Variants in HADHA observed in about 807,000 individuals in gnomAD.
HADHA encodes the protein hydroxyacyl-CoA dehydrogenase trifunctional multienzyme complex subunit alpha.
HADHA carries 59 observed loss-of-function variants against 91.3 expected under a neutral mutation model. That is an observed-to-expected ratio of 0.65 (90% confidence interval 0.52 to 0.80). The LOEUF (loss-of-function observed/expected upper bound fraction) is 0.80, where lower values mean the gene tolerates loss of function less well. Ranked by LOEUF, HADHA falls within the 30% of genes least tolerant of loss-of-function variation. The pLI is 0.00. For synonymous variants in HADHA, 320 were observed against 338.9 expected, an observed-to-expected ratio of 0.94 and a Z score of 0.61; for missense variants, 800 against 927.6, an observed-to-expected ratio of 0.86 and a Z score of 1.79.
In HADHA at chr2:26,239,069, T is replaced by G. The variant is rs756376689; in HGVS notation, c.109+33A>C. On this transcript the variant is annotated intron_variant, in intron 2 of 19. Transcript: ENST00000380649. ...TGCAACATAAATCCAAAAAGCAATG[T>G]AAGCATACACATTAAAAAGAAATTA... 34 of 1,581,550 alleles carry G rather than the reference T, an allele frequency of 2.1e-5. No homozygotes were observed. In the East Asian group the frequency reaches 2.2e-4, roughly 10 times the overall value.
chr2:26,193,566 A>G lies in HADHA; in HGVS notation c.1885+11T>C. The G allele has an allele frequency of 1.2e-6, 2 of 1,602,366 alleles. No individual in the cohort carries two copies. The highest frequency in any genetic ancestry group is 1.7e-6 in the Non-Finnish European group (2 of 1,169,410). ...TAATGGTGCTAGTTATGTTTCCTTGAGGCTACTCACCTAGGAAGCCCTTGG... is the reference window on the plus strand; with the variant it reads ...TAATGGTGCTAGTTATGTTTCCTTGGGGCTACTCACCTAGGAAGCCCTTGG... On this transcript the variant is annotated intron_variant, in intron 17 of 19. Transcript: ENST00000380649.
In HADHA at chr2:26,192,302, G is replaced by A. The variant is rs750784743; in HGVS notation, c.2000+8C>T. ...ATTTCCAGGCATTAGCCACTCAAAC[G>A]GACTTACACTTCAGACTTAGGAGGC... On this transcript the variant is annotated splice_region_variant and intron_variant, in intron 18 of 19. Transcript: ENST00000380649. 1.7e-5 allele frequency: 24 copies of A among 1,404,882 alleles called. No individual in the cohort carries two copies. Among genetic ancestry groups the A allele is most frequent in the East Asian group, 2.3e-5 (1 of 43,974 alleles). 87.0% of individuals were successfully genotyped at this position (1,404,882 alleles called of 1,614,324 possible).
chr2:26,198,176 C>A (rs1558316872), intron 13 of HADHA, among the ~76,000 whole-genome samples: 1 of 152,168 alleles, frequency 6.6e-6, no homozygotes. Context: ...TCACTCCCCG[C>A]TTCACCTTTA....
At position 26,238,941 on chromosome 2, in the gene HADHA, T is replaced by C; in HGVS notation, c.173A>G (p.Asn58Ser). ...GCAAATTAAATGAGATACCTTTGAATTGGGAGAGTTAATTCGAACAACTGC... is the reference window on the plus strand; with the variant it reads ...GCAAATTAAATGAGATACCTTTGAACTGGGAGAGTTAATTCGAACAACTGC... ...DVAVVRINSP[N>S]SKVNTLSKEL... Residue 58 changes from asparagine to serine, a missense_variant, in exon 3 of 20, where the codon AAT (asparagine) becomes AGT (serine). Asn to Ser is a conservative substitution (Grantham distance 46). Coordinates refer to ENST00000380649, the MANE Select transcript of HADHA (RefSeq NM_000182.5). The C allele has an allele frequency of 2.5e-6, 4 of 1,596,566 alleles. No individual in the cohort carries two copies. The South Asian group carries it at 3.3e-5, about 13-fold the overall frequency.
At chr2:26,227,040 A>G (rs922856802) in intron 7 of HADHA, among the ~76,000 whole-genome samples, 5 of 152,216 alleles carry the variant, frequency 3.3e-5, no homozygotes, top group Non-Finnish European at 7.3e-5. Context: ...TGCAAATCAT[A>G]TATTTGATAA....
chr2:26,193,987 A>C (rs527574991), intron 16 of HADHA, among the ~76,000 whole-genome samples: 1 of 152,324 alleles, frequency 6.6e-6, no homozygotes, highest in African/African-American at 2.4e-5. Context: ...ACAGCACTTT[A>C]AGGACGTTTA....
At chr2:26,194,270 G>C (rs1669596482) in intron 16 of HADHA, among the ~76,000 whole-genome samples, 1 of 152,166 alleles carries the variant, frequency 6.6e-6, no homozygotes, top group Admixed American at 6.5e-5. Context: ...GCCCTGTTCT[G>C]GATGGTCCCT....
Position 26,237,090 on chromosome 2 carries a change from G to A in HADHA, c.181-102C>T, listed in dbSNP as rs75276741. 5.0e-3 allele frequency: 4,324 copies of A among 868,284 alleles called. 124 individuals carry two copies. In the African/African-American group the frequency reaches 0.061, roughly 12 times the overall value. The allele number at this position is 868,284 out of a possible 1,614,324, so 53.8% of individuals were successfully genotyped here. Reference sequence around the variant, plus strand: ...TTGATTATAAGAAATATACTTATCCGGCAGAAATATACTGTTAGAAGAGAG... The same window carrying A: ...TTGATTATAAGAAATATACTTATCCAGCAGAAATATACTGTTAGAAGAGAG... On this transcript the variant is annotated intron_variant, in intron 3 of 19. Coordinates refer to ENST00000380649, the MANE Select transcript of HADHA (RefSeq NM_000182.5).
At chr2:26,193,880 G>A in intron 16 of HADHA, 108 bp from the exon 17 acceptor site, 1 of 850,174 alleles carries the variant, frequency 1.2e-6, no homozygotes, top group Non-Finnish European at 2.0e-6. Flanking sequence ...CCACTTCTGA[G>A]TGTCACCTGA....
At chr2:26,216,423 C>T (rs892702558) in intron 7 of HADHA, among the ~76,000 whole-genome samples, 5 of 147,500 alleles carry the variant, frequency 3.4e-5, no homozygotes, top group Admixed American at 7.1e-5. Context: ...CAGTTTCAAG[C>T]GATTCTCCTG....
In HADHA at chr2:26,221,889, CCTGAG is replaced by C. The variant is rs1479702098; in HGVS notation, c.677-6719_677-6715del. Among the ~76,000 whole-genome samples the C allele has an allele frequency of 6.6e-6, 1 of 152,150 alleles. No homozygotes were observed. Among genetic ancestry groups the C allele is most frequent in the Non-Finnish European group, 1.5e-5 (1 of 68,022 alleles). On this transcript the variant is annotated intron_variant, in intron 7 of 19. Transcript: ENST00000380649. The surrounding 1 kb of genome is among the most constrained non-coding windows in gnomAD (Gnocchi z 4.8). ...TCATTTTGTCTAGAAAGAAAAATGG[CCTGAG>C]CTAAGGGTCTACTCTGATTCATAGG... is the stretch of plus-strand genomic sequence containing the variant.
chr2:26,236,838 A>G lies in HADHA; in HGVS notation c.314+17T>C, dbSNP rs1294697475. On this transcript the variant is annotated intron_variant, in intron 4 of 19. Transcript: ENST00000380649. The stretch of plus-strand genomic sequence containing the variant: ...TTAACCAAGATAAAAGGTGACTTCA[A>G]GTTTCCTAAAACTTACTTGATATCA... 1 of 1,601,462 alleles carries G rather than the reference A, an allele frequency of 6.2e-7. No individual in the cohort carries two copies. The highest frequency in any genetic ancestry group is 1.7e-5 in the Admixed American group (1 of 59,984).
At chr2:26,215,894 A>T (rs1209121343) in intron 7 of HADHA, among the ~76,000 whole-genome samples, 4 of 152,244 alleles carry the variant, frequency 2.6e-5, no homozygotes, top group Non-Finnish European at 5.9e-5. Flanking sequence ...TCTATGGAGA[A>T]GGGGGCCTGA....
Position 26,212,593 on chromosome 2 carries a change from C to T in HADHA, c.952G>A (p.Ala318Thr). 1 of 1,599,084 alleles carries T rather than the reference C, an allele frequency of 6.3e-7. No homozygotes were observed. Among genetic ancestry groups the T allele is most frequent in the Non-Finnish European group, 8.6e-7 (1 of 1,166,272 alleles). The change falls in exon 10 of 20, where the codon GCC becomes ACC. Residue 318 changes from alanine to threonine, a missense_variant. Ala to Thr is a moderately conservative substitution (Grantham distance 58). Transcript: ENST00000380649. ...VKTGIEQGSD[A>T]GYLCESQKFG... ...ACCTGAGATTCACAGAGATAACCGG[C>T]ATCACTCCCTTGCTCAATTCCAGTC...
At chr2:26,230,406 T>G in intron 6 of HADHA, 112 bp from the exon 7 acceptor site, 1 of 754,694 alleles carries the variant, frequency 1.3e-6, no homozygotes, top group Non-Finnish European at 2.4e-6. Flanking sequence ...TCAAGCCATA[T>G]GTTTATGCTA....
Position 26,197,863 on chromosome 2 carries a change from GCCCAGCCCACTCTGTCCCC to G in HADHA, c.1393-105_1393-87del, listed in dbSNP as rs555281625. The G allele has an allele frequency of 6.9e-5, 54 of 779,400 alleles. No homozygotes were observed. In the East Asian group the frequency reaches 1.3e-3, roughly 19 times the overall value. 48.3% of individuals were successfully genotyped at this position (779,400 alleles called of 1,614,324 possible). A position where few individuals can be genotyped will look rare whatever the true frequency, so the allele number is the denominator to read the frequency against. ...ATCAAAGCTAATGAGTGACACCTGGGCCCAGCCCACTCTGTCCCCCACAACTGCTCAGACAGTAGATGTC... is the reference window on the plus strand; with the variant it reads ...ATCAAAGCTAATGAGTGACACCTGGGCACAACTGCTCAGACAGTAGATGTC... On this transcript the variant is annotated intron_variant, in intron 13 of 19. Transcript: ENST00000380649.
At chr2:26,236,313 G>C (rs1459602183) in intron 4 of HADHA, among the ~76,000 whole-genome samples, 1 of 149,256 alleles carries the variant, frequency 6.7e-6, no homozygotes, top group Non-Finnish European at 1.5e-5. Flanking sequence ...TTATAAACAA[G>C]GGGTGAGATT....
chr2:26,235,708 A>G (rs879854239), intron 4 of HADHA, among the ~76,000 whole-genome samples: 1 of 152,240 alleles, frequency 6.6e-6, no homozygotes, highest in Non-Finnish European at 1.5e-5. Flanking sequence ...TACTAAACCT[A>G]CAATGCTGGC....
chr2:26,201,460 T>C (rs1349839943), intron 12 of HADHA, 140 bp from the exon 13 acceptor site: 2 of 643,642 alleles, frequency 3.1e-6, no homozygotes, highest in African/African-American at 3.7e-5. Flanking sequence ...AGGGAGACTT[T>C]CAAGTTGTTT....
Sources: gnomAD v4.1 joint callset for allele counts (sites outside exome capture counted in the v4.1 genomes callset) on GRCh38, gnomAD v4.1.1 for gene constraint, Gnocchi (gnomAD v3.1) non-coding constraint, MANE v1.5 for transcripts, NCBI Gene and HGNC (gene_info 2026-07-23, HGNC 2026-07-21) for gene names.